Variants in TTN observed in about 807,000 individuals in gnomAD.
TTN encodes connectin.
TTN carries 1,525 observed loss-of-function variants against 3,223.0 expected under a neutral mutation model. The observed-to-expected ratio is 0.47, with a 90% CI of 0.45 to 0.49. TTN has a LOEUF of 0.49. Ranked by LOEUF, TTN falls within the 20% of genes least tolerant of loss-of-function variation. The probability of loss-of-function intolerance (pLI) is 0.00; values close to 1 mark genes in which losing one functional copy is unlikely to be tolerated. For synonymous variants in TTN, 14,094 were observed against 15,161.0 expected, an observed-to-expected ratio of 0.93 and a Z score of 5.17; for missense variants, 40,786 against 43,424.0, an observed-to-expected ratio of 0.94 and a Z score of 5.40.
In TTN at chr2:178,593,974, T is replaced by C. The variant is rs186563991; in HGVS notation, c.58419A>G (p.Gln19473=). ...AATAAGACTTACCAACAACATTAAC[T>C]TGACAGAAACCTTTCCTAGAGCCTG... ...NSTGSRKGFC[Q]VNVVDRPGPP... The change falls in exon 297 of 363, where the codon CAA becomes CAG. Residue 19473 remains glutamine (Q), a synonymous_variant. Coordinates refer to ENST00000589042, the MANE Select transcript of TTN (RefSeq NM_001267550.2). The C allele has an allele frequency of 4.4e-4, 713 of 1,613,432 alleles. 4 individuals carry two copies. The South Asian group carries it at 4.8e-3, about 11-fold the overall frequency.
Position 178,642,614 on chromosome 2 carries a change from A to G in TTN, c.40478-297T>C, listed in dbSNP as rs2742358. On this transcript the variant is annotated intron_variant, in intron 218 of 362. Transcript: ENST00000589042. ...CTTTATGAATCTTTCATCAAATTAC[A>G]GGGTTCTTGACAGCATCTTTGTCCC... Among the ~76,000 whole-genome samples the G allele has an allele frequency of 0.021, 3,245 of 152,080 alleles. 65 individuals are homozygous for G. Among genetic ancestry groups the G allele is most frequent in the East Asian group, 0.094 (484 of 5,142 alleles).
rs779312504 is a variant in TTN at position 178,542,394 on chromosome 2, C to T, written c.97362G>A (p.Val32454=). The change falls in exon 349 of 363, where the codon GTG becomes GTA. Residue 32454 remains valine (V), a synonymous_variant. Transcript: ENST00000589042. ...RPGWLPVSES[V]TRSTFKFTRL... ...TGGTAAACTTAAACGTGGACCTAGT[C>T]ACTGATTCAGAAACGGGCAGCCATC... 6.2e-7 allele frequency: 1 copy of T among 1,613,638 alleles called. No individual in the cohort carries two copies. Among genetic ancestry groups the T allele is most frequent in the Non-Finnish European group, 8.5e-7 (1 of 1,179,706 alleles).
In TTN at chr2:178,757,891, T is replaced by G; in HGVS notation, c.10329A>C (p.Thr3443=). The G allele has an allele frequency of 6.6e-7, 1 of 1,524,264 alleles. No individual in the cohort carries two copies. The highest frequency in any genetic ancestry group is 1.3e-5 in the South Asian group (1 of 74,582). The allele number at this position is 1,524,264 out of a possible 1,614,324, so 94.4% of individuals were successfully genotyped here. Residue 3443 remains threonine (T), a synonymous_variant, in exon 45 of 363, where the codon ACA becomes ACC. Coordinates refer to ENST00000589042, the MANE Select transcript of TTN (RefSeq NM_001267550.2). ...AAGAGACATGCCATTGGGAGTTTGA[T>G]GTATTTTCTTCAAATTTGCTAAATC... The part of the protein sequence containing the change: ...LEGFSKFEEN[T]SNSQWHVSLS...
chr2:178,744,040 A>G (rs1340215523), intron 47 of TTN, among the ~76,000 whole-genome samples: 1 of 151,962 alleles, frequency 6.6e-6, no homozygotes, highest in East Asian at 1.9e-4. Context: ...GAGAATTCCC[A>G]TGTTGAGAAT....
chr2:178,665,891 C>G (rs1275093158), intron 163 of TTN, 100 bp from the exon 164 acceptor site: 1 of 500,840 alleles, frequency 2.0e-6, no homozygotes, highest in Non-Finnish European at 3.1e-6. Context: ...GGAACCTTCT[C>G]CCACTCCCCG....
chr2:178,746,973 T>C (rs1375893614), intron 47 of TTN: 5 of 1,613,440 alleles, frequency 3.1e-6, no homozygotes, highest in Non-Finnish European at 3.4e-6. Context: ...TCATTTGGTG[T>C]ACCGTCTTCC....
At chr2:178,727,035 C>G in intron 69 of TTN, 55 bp downstream of exon 69, 1 of 1,390,506 alleles carries the variant, frequency 7.2e-7, no homozygotes, top group Non-Finnish European at 9.4e-7. Context: ...AGCTATAATA[C>G]CCAGGGGAGA....
In TTN at chr2:178,557,110, T is replaced by G; in HGVS notation, c.88044A>C (p.Ser29348=). 6.2e-7 allele frequency: 1 copy of G among 1,613,732 alleles called. No individual in the cohort carries two copies. Among genetic ancestry groups the G allele is most frequent in the Non-Finnish European group, 8.5e-7 (1 of 1,179,782 alleles). The change falls in exon 330 of 363, where the codon TCA becomes TCC. Residue 29348 remains serine (S), a synonymous_variant. Transcript: ENST00000589042. The part of the protein sequence containing the change: ...PPRNVRITDI[S]KNSVSLSWQQ... ...GCCATGAAAGGCTGACAGAGTTCTTTGAAATATCAGTGATACGAACATTTC... is the reference window on the plus strand; with the variant it reads ...GCCATGAAAGGCTGACAGAGTTCTTGGAAATATCAGTGATACGAACATTTC...
intron 15 of TTN, among the ~76,000 whole-genome samples, chr2:178,784,847 C>T (rs1304365107): frequency 6.6e-6 from 1 of 152,122 alleles, no homozygotes; most frequent in Non-Finnish European, 1.5e-5. Context: ...TTCCTTACTG[C>T]TTTTATTCTG....
In TTN at chr2:178,551,658, G is replaced by A; in HGVS notation, c.91242C>T (p.Ser30414=). ...SAGLSSPSDP[S]KFTLAVSPVD... ...CTGGAGAAACAGCTAAGGTAAATTT[G>A]CTTGGGTCACTAGGTGAGCTTAGGC... The change falls in exon 335 of 363, where the codon AGC becomes AGT. Residue 30414 remains serine (S), a synonymous_variant. Coordinates refer to ENST00000589042, the MANE Select transcript of TTN (RefSeq NM_001267550.2). The A allele has an allele frequency of 6.3e-7, 1 of 1,593,648 alleles. No individual in the cohort carries two copies. Among genetic ancestry groups the A allele is most frequent in the African/African-American group, 1.3e-5 (1 of 74,090 alleles).
At chr2:178,791,961 A>C in intron 10 of TTN, 111 bp downstream of exon 10, 1 of 1,223,296 alleles carries the variant, frequency 8.2e-7, no homozygotes. Flanking sequence ...ATAACAAAAA[A>C]TATACAACCA....
intron 3 of TTN, among the ~76,000 whole-genome samples, chr2:178,801,204 G>T (rs1656181480): frequency 6.6e-6 from 1 of 152,166 alleles, no homozygotes; most frequent in Admixed American, 6.5e-5. Flanking sequence ...ATATTTACTT[G>T]CATTTAAAAC....
chr2:178,652,072 T>C lies in TTN; in HGVS notation c.39295+24A>G, dbSNP rs1253469549. 1.9e-6 allele frequency: 3 copies of C among 1,612,832 alleles called. No individual in the cohort carries two copies. In the South Asian group the frequency reaches 3.3e-5, roughly 18 times the overall value. ...AAGGAAAGATTTTTTTAAAAAACAC[T>C]AATTTGAATAGTTTCATTATTACCT... is the stretch of plus-strand genomic sequence containing the variant. On this transcript the variant is annotated intron_variant, in intron 204 of 362. Transcript: ENST00000589042.
In TTN at chr2:178,647,429, C is replaced by G; in HGVS notation, c.40093G>C (p.Glu13365Gln). The change falls in exon 214 of 363, where the codon GAA (glutamate) becomes CAA (glutamine). Residue 13365 changes from glutamate (E) to glutamine (Q), a missense_variant. Transcript: ENST00000589042. ...TCTGCAGGGATAGGCACAGACACTTCCTTTTCTGGGATGATTTTCTCAGGC... is the reference window on the plus strand; with the variant it reads ...TCTGCAGGGATAGGCACAGACACTTGCTTTTCTGGGATGATTTTCTCAGGC... ...KVPEKIIPEK[E>Q]VSVPIPAEPE... 1.9e-6 allele frequency: 3 copies of G among 1,549,696 alleles called. No individual in the cohort carries two copies. The highest frequency in any genetic ancestry group is 2.6e-6 in the Non-Finnish European group (3 of 1,146,430).
At chr2:178,746,164 C>T (rs1167922744) in intron 47 of TTN, 4 of 1,613,330 alleles carry the variant, frequency 2.5e-6, no homozygotes, top group Admixed American at 1.7e-5. Flanking sequence ...CTTTATACCA[C>T]TTAACTTCGG....
chr2:178,608,928 C>A lies in TTN; in HGVS notation c.52103-20G>T. The A allele has an allele frequency of 6.3e-7, 1 of 1,593,502 alleles. No homozygotes were observed. ...GTGTATCTAATATTTCAGAAGAGAA[C>A]AGTAATCAAAAATTTGTGTGGGAAG... On this transcript the variant is annotated intron_variant, in intron 273 of 362. Coordinates refer to ENST00000589042, the MANE Select transcript of TTN (RefSeq NM_001267550.2).
At position 178,576,477 on chromosome 2, in the gene TTN, A is replaced by G. The variant is rs1253298562; in HGVS notation, c.69715+52T>C. On this transcript the variant is annotated intron_variant, in intron 325 of 362. Transcript: ENST00000589042. This position sits in a 1 kb window ranked among gnomAD's most constrained non-coding sequence, Gnocchi z 4.3. ...AGAGTTTGGCTTTTGGGTAATTTAG[A>G]TAAAATATTGGCACTCTGGAATGAA... 38 of 1,592,584 alleles carry G rather than the reference A, an allele frequency of 2.4e-5. No individual in the cohort carries two copies. The highest frequency in any genetic ancestry group is 3.0e-5 in the Non-Finnish European group (35 of 1,174,770).
chr2:178,613,312 G>A, intron 263 of TTN, 36 bp from the exon 264 acceptor site: 1 of 1,473,914 alleles, frequency 6.8e-7, no homozygotes. Context: ...TATCATCATG[G>A]TAAGAAGCAG....
rs753460929 is a variant in TTN, at chr2:178,738,211, T to C, written c.14242A>G (p.Ile4748Val). 1.2e-6 allele frequency: 2 copies of C among 1,613,704 alleles called. No homozygotes were observed. The highest frequency in any genetic ancestry group is 2.2e-5 in the East Asian group (1 of 44,784). ...CTGGAGATATACTTTGAAGATCGAATAGAACACTTGTCACTCTCATAAATT... is the reference window on the plus strand; with the variant it reads ...CTGGAGATATACTTTGAAGATCGAACAGAACACTTGTCACTCTCATAAATT... ...REIYESDKCS[I>V]RSSKYISSLE... The change falls in exon 49 of 363, where the codon ATT (isoleucine) becomes GTT (valine). Residue 4748 changes from isoleucine to valine, a missense_variant. Transcript: ENST00000589042.
Sources: gnomAD v4.1 joint callset for allele counts (sites outside exome capture counted in the v4.1 genomes callset) on GRCh38, gnomAD v4.1.1 for gene constraint, Gnocchi (gnomAD v3.1) non-coding constraint, MANE v1.5 for transcripts, NCBI Gene and HGNC (gene_info 2026-07-23, HGNC 2026-07-21) for gene names.